Variants in ADAMTS9 observed in about 807,000 individuals in gnomAD.
ADAMTS9 encodes the protein ADAM metallopeptidase with thrombospondin type 1 motif 9.
In ADAMTS9, 107 loss-of-function variants were observed where a neutral mutation model predicts 257.1. That is an observed-to-expected ratio of 0.42 (90% confidence interval 0.36 to 0.49). The LOEUF (loss-of-function observed/expected upper bound fraction) is 0.49, where lower values mean the gene tolerates loss of function less well. ADAMTS9 is among the 20% of genes least tolerant of loss of function. ADAMTS9 has a pLI of 0.03. For missense variants in ADAMTS9, 2,353 were observed against 2,469.1 expected (o/e 0.95, Z 1.00); for synonymous variants, 982 against 880.9 (o/e 1.11, Z -2.03).
chr3:64,608,796 T>G (rs1305150216), intron 22 of ADAMTS9, among the ~76,000 whole-genome samples: 1 of 151,002 alleles, frequency 6.6e-6, no homozygotes, highest in African/African-American at 2.4e-5. Flanking sequence ...ATGAGGCCAG[T>G]ATTACCCTAA....
intron 12 of ADAMTS9, among the ~76,000 whole-genome samples, chr3:64,635,948 T>G (rs1391045414): frequency 6.6e-6 from 1 of 152,180 alleles, no homozygotes; most frequent in African/African-American, 2.4e-5. Flanking sequence ...AAGACCCCCT[T>G]CAATTTTTCC....
chr3:64,608,831 C>A (rs1485340464), intron 22 of ADAMTS9, among the ~76,000 whole-genome samples: 2 of 151,718 alleles, frequency 1.3e-5, no homozygotes, highest in Non-Finnish European at 2.9e-5. Context: ...ACAACACACA[C>A]ACACACCAGA....
At chr3:64,653,737 C>T (rs1700988910) in intron 8 of ADAMTS9, among the ~76,000 whole-genome samples, 1 of 152,082 alleles carries the variant, frequency 6.6e-6, no homozygotes, top group Non-Finnish European at 1.5e-5. Context: ...CAGTGTTTTG[C>T]CCCATGTTCT....
intron 39 of ADAMTS9, among the ~76,000 whole-genome samples, chr3:64,520,588 T>C (rs371579551): frequency 3.9e-5 from 6 of 152,094 alleles, no homozygotes; most frequent in African/African-American, 1.4e-4. Flanking sequence ...ATGGTACTGG[T>C]ACTAAAATAG....
intron 14 of ADAMTS9, among the ~76,000 whole-genome samples, chr3:64,632,444 T>C (rs1002383350): frequency 1.1e-4 from 16 of 152,162 alleles, no homozygotes; most frequent in Admixed American, 9.2e-4. Context: ...GCTGGAAAAA[T>C]TGACTTTATG....
intron 16 of ADAMTS9, among the ~76,000 whole-genome samples, chr3:64,627,357 G>A (rs1033882611): frequency 1.3e-5 from 2 of 150,536 alleles, no homozygotes; most frequent in African/African-American, 4.9e-5. Context: ...AAATGGTTTG[G>A]CCCCAGACAT....
intron 30 of ADAMTS9, among the ~76,000 whole-genome samples, chr3:64,558,392 A>T (rs1682308528): frequency 6.6e-6 from 1 of 152,214 alleles, no homozygotes; most frequent in South Asian, 2.1e-4. Flanking sequence ...TTCATGTGAA[A>T]ATACTCAACA....
intron 12 of ADAMTS9, among the ~76,000 whole-genome samples, chr3:64,635,673 CAG>C (rs1258342074): frequency 2.6e-5 from 4 of 152,196 alleles, no homozygotes; most frequent in Non-Finnish European, 5.9e-5. Flanking sequence ...AACAAAGGAG[CAG>C]AGTCAGGACT....
chr3:64,522,077 C>T, intron 39 of ADAMTS9, 89 bp downstream of exon 39: 1 of 1,125,668 alleles, frequency 8.9e-7, no homozygotes, highest in Non-Finnish European at 1.3e-6. Context: ...TTAACTGTAA[C>T]CCTGCCTGAT....
At chr3:64,591,053 A>G (rs952838881) in intron 28 of ADAMTS9, among the ~76,000 whole-genome samples, 10 of 152,272 alleles carry the variant, frequency 6.6e-5, no homozygotes, top group African/African-American at 2.4e-4. Context: ...TCTCTTTCCA[A>G]TTTACTCCTC....
intron 3 of ADAMTS9, among the ~76,000 whole-genome samples, chr3:64,671,284 G>C (rs191867182): frequency 1.5e-3 from 232 of 152,236 alleles, no homozygotes; most frequent in Non-Finnish European, 2.9e-3. Flanking sequence ...TTCTGCAAAA[G>C]GCAAAACTAT....
intron 14 of ADAMTS9, among the ~76,000 whole-genome samples, 175 bp downstream of exon 14, chr3:64,633,297 C>T (rs946977440): frequency 2.6e-5 from 4 of 152,096 alleles, no homozygotes; most frequent in African/African-American, 9.7e-5. Context: ...TTTGGCACTA[C>T]ACGCATCAGA....
At chr3:64,611,531 C>T (rs1024341964) in intron 22 of ADAMTS9, among the ~76,000 whole-genome samples, 1 of 151,828 alleles carries the variant, frequency 6.6e-6, no homozygotes, top group Non-Finnish European at 1.5e-5. Context: ...GACTTTTGGG[C>T]ACCCAGGACC....
intron 31 of ADAMTS9, among the ~76,000 whole-genome samples, chr3:64,549,792 C>T (rs2083246621): frequency 6.6e-6 from 1 of 152,198 alleles, no homozygotes. Flanking sequence ...TCTCTAGACA[C>T]TGCCAAATGT....
intron 39 of ADAMTS9, 116 bp downstream of exon 39, chr3:64,522,050 G>C (rs2082859179): frequency 1.3e-6 from 1 of 790,450 alleles, no homozygotes; most frequent in African/African-American, 1.7e-5. Flanking sequence ...AACTGTATTG[G>C]GTCAGCTTCA....
Position 64,687,894 on chromosome 3 carries a change from C to A in ADAMTS9, c.-237G>T. The stretch of plus-strand genomic sequence containing the variant: ...CGGGCCGCAGGAGGAGCCGGAGGAG[C>A]AGGAGGAGGAGGAGGACTGGGGCTC... On this transcript the variant is annotated 5_prime_UTR_variant, in exon 1 of 40. Transcript: ENST00000498707. This position sits in a 1 kb window ranked among gnomAD's most constrained non-coding sequence, Gnocchi z 4.4. 2.5e-6 allele frequency: 1 copy of A among 395,400 alleles called. No individual in the cohort carries two copies. The allele number at this position is 395,400 out of a possible 1,614,324, so 24.5% of individuals were successfully genotyped here. A position where few individuals can be genotyped will look rare whatever the true frequency, so the allele number is the denominator to read the frequency against.
intron 12 of ADAMTS9, among the ~76,000 whole-genome samples, chr3:64,638,936 G>A (rs1457825221): frequency 6.6e-6 from 1 of 152,006 alleles, no homozygotes; most frequent in Non-Finnish European, 1.5e-5. Flanking sequence ...TCTAAAAACA[G>A]AGCTCTCCAT....
intron 3 of ADAMTS9, among the ~76,000 whole-genome samples, chr3:64,670,470 T>G (rs962260809): frequency 7.2e-5 from 11 of 152,238 alleles, no homozygotes; most frequent in Non-Finnish European, 1.6e-4. Context: ...TATACTTTCT[T>G]GCTATGTAGT....
At chr3:64,608,903 G>A (rs1217134743) in intron 22 of ADAMTS9, among the ~76,000 whole-genome samples, 1 of 151,860 alleles carries the variant, frequency 6.6e-6, no homozygotes, top group East Asian at 1.9e-4. Context: ...GAATCCAATA[G>A]CATACTAAAA....
Sources: gnomAD v4.1 joint callset for allele counts (sites outside exome capture counted in the v4.1 genomes callset) on GRCh38, gnomAD v4.1.1 for gene constraint, Gnocchi (gnomAD v3.1) non-coding constraint, MANE v1.5 for transcripts, NCBI Gene and HGNC (gene_info 2026-07-23, HGNC 2026-07-21) for gene names.